WDR41: variants seen among roughly 807,000 people sequenced by gnomAD.
The protein encoded by WDR41 is WD repeat domain 41, also known as WD repeat-containing protein 41.
WDR41 carries 63 observed loss-of-function variants against 69.3 expected under a neutral mutation model. The observed-to-expected ratio is 0.91, with a 90% CI of 0.74 to 1.12. WDR41 has a LOEUF of 1.12. WDR41 is among the 50% of genes most tolerant of loss of function. The pLI is 0.00. For synonymous variants in WDR41, 185 were observed against 192.1 expected, an observed-to-expected ratio of 0.96 and a Z score of 0.31; for missense variants, 543 against 534.5, an observed-to-expected ratio of 1.02 and a Z score of -0.16.
intron 2 of WDR41, among the ~76,000 whole-genome samples, chr5:77,474,050 G>GAAGC (rs1433915818): frequency 6.6e-6 from 1 of 152,172 alleles, no homozygotes; most frequent in Non-Finnish European, 1.5e-5. Context: ...GTCCAACAAT[G>GAAGC]ATAGACTGGA....
At chr5:77,605,033 A>G (rs1580048491) in intron 1 of WDR41, among the ~76,000 whole-genome samples, 1 of 152,350 alleles carries the variant, frequency 6.6e-6, no homozygotes, top group Non-Finnish European at 1.5e-5. Context: ...GTATGGGGGC[A>G]GAGGTGGGAG....
chr5:77,581,945 A>G (rs1253918221), intron 1 of WDR41, among the ~76,000 whole-genome samples: 1 of 152,204 alleles, frequency 6.6e-6, no homozygotes, highest in African/African-American at 2.4e-5. Flanking sequence ...CTGGAAAAAG[A>G]AAAGCAAACT....
At chr5:77,596,467 G>GA (rs896100260) in intron 1 of WDR41, among the ~76,000 whole-genome samples, 69 of 151,514 alleles carry the variant, frequency 4.6e-4, no homozygotes, top group African/African-American at 1.6e-3. Context: ...CCAACTTGGG[G>GA]AAAAAAAATT....
chr5:77,584,152 G>T (rs1418275982), intron 1 of WDR41, among the ~76,000 whole-genome samples: 2 of 152,090 alleles, frequency 1.3e-5, no homozygotes, highest in Admixed American at 1.3e-4. Flanking sequence ...GTGAAAGACT[G>T]GATGTTTTGT....
In WDR41 at chr5:77,438,295, A is replaced by T; in HGVS notation, c.949T>A (p.Cys317Ser). ...TTGGAGTCATGTGCAGTTTTCTGGC[A>T]GGCAATCACACGCTTCATTTGAAGG... ...YSLQMKRVIA[C>S]QKTAHDSNVL... Residue 317 changes from cysteine (C) to serine (S), a missense_variant, in exon 10 of 13, where the codon TGC becomes AGC. Coordinates refer to ENST00000296679, the MANE Select transcript of WDR41 (RefSeq NM_018268.4). The T allele has an allele frequency of 6.2e-7, 1 of 1,614,108 alleles. No homozygotes were observed. The highest frequency in any genetic ancestry group is 8.5e-7 in the Non-Finnish European group (1 of 1,179,928).
intron 1 of WDR41, among the ~76,000 whole-genome samples, chr5:77,512,331 T>TGAGTGAGAGAGAGA (rs1554034068): frequency 9.1e-5 from 8 of 87,930 alleles, no homozygotes; most frequent in African/African-American, 3.6e-4. Flanking sequence ...ATGGGGTGAG[T>TGAGTGAGAGAGAGA]GAGAGAGAGA....
chr5:77,471,928 C>A (rs1800637252), intron 2 of WDR41, among the ~76,000 whole-genome samples: 1 of 151,744 alleles, frequency 6.6e-6, no homozygotes, highest in Admixed American at 6.6e-5. Context: ...ACTCATGAGG[C>A]CAGCATCATC....
intron 8 of WDR41, 99 bp downstream of exon 8, chr5:77,449,661 C>T: frequency 1.3e-6 from 1 of 769,086 alleles, no homozygotes; most frequent in Admixed American, 2.7e-5. Context: ...ATTTTAGTGA[C>T]TTATTCTAGA....
chr5:77,591,376 A>C (rs931153270), intron 1 of WDR41, among the ~76,000 whole-genome samples: 7 of 152,048 alleles, frequency 4.6e-5, no homozygotes, highest in Non-Finnish European at 8.8e-5. Flanking sequence ...TATTTTCTCT[A>C]TTGTACCTAT....
chr5:77,564,814 C>G (rs2112263182), intron 1 of WDR41, among the ~76,000 whole-genome samples: 1 of 152,192 alleles, frequency 6.6e-6, no homozygotes, highest in South Asian at 2.1e-4. Flanking sequence ...AAGTGAACTA[C>G]CATATACTCA....
intron 1 of WDR41, among the ~76,000 whole-genome samples, chr5:77,567,865 C>T (rs1004407831): frequency 6.6e-6 from 1 of 151,822 alleles, no homozygotes; most frequent in Non-Finnish European, 1.5e-5. Flanking sequence ...CATCCCGACC[C>T]CAGCCTCATC....
chr5:77,560,735 C>G (rs1318030405), intron 1 of WDR41, among the ~76,000 whole-genome samples: 1 of 152,132 alleles, frequency 6.6e-6, no homozygotes, highest in Non-Finnish European at 1.5e-5. Flanking sequence ...CAAAGGTATG[C>G]ATCAGCTTAA....
chr5:77,574,846 G>T (rs913961184), intron 1 of WDR41, among the ~76,000 whole-genome samples: 5 of 152,040 alleles, frequency 3.3e-5, no homozygotes, highest in African/African-American at 4.8e-5. Flanking sequence ...CCTTGTCGTA[G>T]TTGAAACAAG....
chr5:77,582,272 C>A, intron 1 of WDR41: 2 of 1,092,772 alleles, frequency 1.8e-6, no homozygotes, highest in Non-Finnish European at 2.7e-6. Context: ...ACACAAATTA[C>A]CAACTCTGGC....
intron 1 of WDR41, among the ~76,000 whole-genome samples, chr5:77,594,321 G>A (rs542657563): frequency 3.3e-5 from 5 of 150,896 alleles, no homozygotes; most frequent in South Asian, 4.2e-4. Context: ...TGTAAATGAC[G>A]AGTTAATGGG....
At chr5:77,588,057 A>G (rs868847553) in intron 1 of WDR41, among the ~76,000 whole-genome samples, 2 of 152,242 alleles carry the variant, frequency 1.3e-5, no homozygotes, top group Non-Finnish European at 2.9e-5. Flanking sequence ...TCACCTTATC[A>G]TATGCTTATT....
chr5:77,439,621 C>G (rs1799081196), intron 9 of WDR41, among the ~76,000 whole-genome samples: 1 of 152,210 alleles, frequency 6.6e-6, no homozygotes, highest in South Asian at 2.1e-4. Context: ...GCTTTGGAGG[C>G]AGCATTTACT....
At chr5:77,485,310 G>C (rs970649215) in intron 2 of WDR41, among the ~76,000 whole-genome samples, 6 of 152,178 alleles carry the variant, frequency 3.9e-5, no homozygotes, top group Non-Finnish European at 8.8e-5. Flanking sequence ...TTCTCTGAAG[G>C]TTAGTGTATA....
intron 1 of WDR41, among the ~76,000 whole-genome samples, chr5:77,610,237 T>C (rs1259953813): frequency 6.6e-6 from 1 of 152,196 alleles, no homozygotes; most frequent in African/African-American, 2.4e-5. Flanking sequence ...CACTGCAGGA[T>C]ATTATACAGG....
Sources: allele counts gnomAD v4.1 joint callset (sites outside exome capture counted in the v4.1 genomes callset), GRCh38; gene constraint gnomAD v4.1.1; transcripts MANE v1.5; gene names NCBI Gene and HGNC (gene_info 2026-07-23, HGNC 2026-07-21).